FLT4: variants seen among roughly 807,000 people sequenced by gnomAD.
FLT4 encodes vascular endothelial growth factor receptor 3.
A neutral mutation model predicts 163.2 loss-of-function variants in FLT4; 30 were observed. The observed-to-expected ratio is 0.18, with a 90% CI of 0.14 to 0.25. The LOEUF (loss-of-function observed/expected upper bound fraction) is 0.25, where lower values mean the gene tolerates loss of function less well. Ranked by LOEUF, FLT4 falls within the 10% of genes least tolerant of loss-of-function variation. The pLI is 1.00. For synonymous variants in FLT4, 884 were observed against 789.5 expected (o/e 1.12, Z -2.01); for missense variants, 1,510 against 1,863.8 (o/e 0.81, Z 3.50).
intron 24 of FLT4, 75 bp downstream of exon 24, chr5:180,613,993 C>T (rs2127797159): frequency 9.6e-7 from 1 of 1,036,782 alleles, no homozygotes; most frequent in Non-Finnish European, 1.5e-6. Context: ...TCCCTTACTC[C>T]AGCAGGGGCG....
intron 1 of FLT4, among the ~76,000 whole-genome samples, chr5:180,646,000 G>C (rs551067438): frequency 1.3e-5 from 2 of 152,116 alleles, no homozygotes; most frequent in African/African-American, 4.8e-5. Context: ...AGGAAAATAC[G>C]GCAGCAGGAG....
chr5:180,643,884 C>G (rs116224389), intron 1 of FLT4, among the ~76,000 whole-genome samples: 6,176 of 151,854 alleles, frequency 0.041, 183 homozygotes, highest in South Asian at 0.12. Context: ...TGCAGTGGCA[C>G]GGTCTCGGCT....
In FLT4 at chr5:180,620,963, C is replaced by A. The variant is rs752151565; in HGVS notation, c.2212G>T (p.Val738Leu). 6.2e-7 allele frequency: 1 copy of A among 1,610,770 alleles called. No individual in the cohort carries two copies. The highest frequency in any genetic ancestry group is 1.1e-5 in the South Asian group (1 of 90,828). Residue 738 changes from valine to leucine, a missense_variant, in exon 15 of 30, where the codon GTG becomes TTG. Transcript: ENST00000261937. This position sits in a 1 kb window ranked among gnomAD's most constrained non-coding sequence, Gnocchi z 4.4. ...TAGCGTCCCGCATCCTCCTCGCGCA[C>A]GCGCTGGATGCTCAGCTTCTGGTTG... ...DSNQKLSIQR[V>L]REEDAGRYLC...
chr5:180,618,877 T>C lies in FLT4; in HGVS notation c.2894A>G (p.Glu965Gly). The C allele has an allele frequency of 6.3e-7, 1 of 1,587,934 alleles. No individual in the cohort carries two copies. The highest frequency in any genetic ancestry group is 8.6e-7 in the Non-Finnish European group (1 of 1,167,884). ...CCGCCTCCGATCCAGCCTGGCGAGC[T>C]CCACCATGGCGCGGAAGCGTCCGCG... ...EQRGRFRAMVELARLDRRRPG... is the reference protein window; with the variant it reads ...EQRGRFRAMVGLARLDRRRPG... Residue 965 changes from glutamate (E) to glycine (G), a missense_variant, in exon 21 of 30, where the codon GAG becomes GGG. By Grantham distance (98) the Glu-to-Gly change is moderately conservative (BLOSUM62 -2). Transcript: ENST00000261937.
chr5:180,607,853 T>G, intron 29 of FLT4: 1 of 534,896 alleles, frequency 1.9e-6, no homozygotes, highest in Non-Finnish European at 3.3e-6. Flanking sequence ...GAAGGGACAT[T>G]GTGAGAAGTG....
intron 29 of FLT4, among the ~76,000 whole-genome samples, chr5:180,606,896 A>AC (rs1761818309): frequency 4.3e-5 from 1 of 23,104 alleles, no homozygotes; most frequent in Non-Finnish European, 3.4e-4. Flanking sequence ...TCTCTACTAA[A>AC]AAAAAAAAAA....
In FLT4 at chr5:180,619,191, C is replaced by G. The variant is rs1001286600; in HGVS notation, c.2761+62G>C. The G allele has an allele frequency of 1.2e-4, 164 of 1,337,148 alleles. No individual in the cohort carries two copies. In the African/African-American group the frequency reaches 2.0e-3, roughly 16 times the overall value. 82.8% of individuals were successfully genotyped at this position (1,337,148 alleles called of 1,614,324 possible). On this transcript the variant is annotated intron_variant, in intron 19 of 29. Coordinates refer to ENST00000261937, the MANE Select transcript of FLT4 (RefSeq NM_182925.5). ...CGCTCCGCGTTTGCACCCGCGCCCC[C>G]TCCCGCCCGCGGCGCCCCGCGCCCG...
At chr5:180,622,341 T>G (rs1258450212) in intron 12 of FLT4, among the ~76,000 whole-genome samples, 1 of 152,112 alleles carries the variant, frequency 6.6e-6, no homozygotes, top group Non-Finnish European at 1.5e-5. Flanking sequence ...CGTCTGCTCC[T>G]GGGCTCCGCT....
Position 180,630,466 on chromosome 5 carries a change from CCTG to C in FLT4, c.400+86_400+88del. 1 of 1,591,844 alleles carries C rather than the reference CCTG, an allele frequency of 6.3e-7. No individual in the cohort carries two copies. Among genetic ancestry groups the C allele is most frequent in the South Asian group, 1.1e-5 (1 of 89,934 alleles). ...AGCAGGTAGGGCCCCGTTCTCTCCT[CCTG>C]CCAGCCCAGGGTCCACAGGCTGGGG... On this transcript the variant is annotated intron_variant, in intron 3 of 29. Coordinates refer to ENST00000261937, the MANE Select transcript of FLT4 (RefSeq NM_182925.5). This position sits in a 1 kb window ranked among gnomAD's most constrained non-coding sequence, Gnocchi z 6.3.
In FLT4 at chr5:180,621,736, T is replaced by A; in HGVS notation, c.1826A>T (p.Asp609Val). 1 of 1,613,018 alleles carries A rather than the reference T, an allele frequency of 6.2e-7. No homozygotes were observed. The highest frequency in any genetic ancestry group is 8.5e-7 in the Non-Finnish European group (1 of 1,179,956). ...HDAHGNPLLL[D>V]CKNVHLFATP... ...GGCGAACAGATGCACGTTCTTGCAG[T>A]CGAGCAGAAGCGGGTTCCCGTGCGC... The change falls in exon 13 of 30, where the codon GAC (aspartate) becomes GTC (valine). Residue 609 changes from aspartate (D) to valine (V), a missense_variant. Coordinates refer to ENST00000261937, the MANE Select transcript of FLT4 (RefSeq NM_182925.5).
At chr5:180,616,572 G>T in intron 22 of FLT4, 83 bp from the exon 23 acceptor site, 1 of 1,500,270 alleles carries the variant, frequency 6.7e-7, no homozygotes, top group Non-Finnish European at 9.2e-7. Context: ...GGGTGCCCAA[G>T]CAGTGGGGAC....
intron 18 of FLT4, 27 bp from the exon 19 acceptor site, chr5:180,619,393 G>T: frequency 6.4e-7 from 1 of 1,562,270 alleles, no homozygotes. Context: ...CCTCACACCG[G>T]CCCCGACCCT....
At chr5:180,628,556 G>A (rs1021490914) in intron 8 of FLT4, among the ~76,000 whole-genome samples, 1 of 152,240 alleles carries the variant, frequency 6.6e-6, no homozygotes, top group Non-Finnish European at 1.5e-5. Flanking sequence ...TGCAGGGCAG[G>A]CCCTGGAGAT....
chr5:180,609,871 C>A (rs2242219), intron 28 of FLT4, 34 bp downstream of exon 28: 2 of 1,613,438 alleles, frequency 1.2e-6, no homozygotes, highest in East Asian at 4.5e-5. Context: ...AGCCCTGAGC[C>A]GAGAGCGCAG....
intron 12 of FLT4, 43 bp downstream of exon 12, chr5:180,622,688 T>C (rs1425771656): frequency 7.8e-7 from 1 of 1,280,652 alleles, no homozygotes; most frequent in South Asian, 1.2e-5. Flanking sequence ...TGCCCCCTCC[T>C]GACCCTGTAC....
At chr5:180,609,321 T>C (rs1004822363) in intron 28 of FLT4, 6 of 548,492 alleles carry the variant, frequency 1.1e-5, no homozygotes, top group Non-Finnish European at 1.7e-5. Context: ...GCCAAGCATA[T>C]GCTCAGTGTG....
At chr5:180,637,791 A>C (rs775310471) in intron 1 of FLT4, among the ~76,000 whole-genome samples, 3 of 152,124 alleles carry the variant, frequency 2.0e-5, no homozygotes, top group Non-Finnish European at 2.9e-5. Context: ...CGGCCTCTCA[A>C]AGTGCTGGGA....
rs2127879271 is a variant in FLT4, at chr5:180,649,479, C to T, written c.58+9G>A. On this transcript the variant is annotated intron_variant, in intron 1 of 29. Coordinates refer to ENST00000261937, the MANE Select transcript of FLT4 (RefSeq NM_182925.5). ...ACGCTCGGGCGGGTGGCCCGTTCGC[C>T]GCGCTCACCGTCCAGGAGTCCCAGG... 3.4e-6 allele frequency: 5 copies of T among 1,457,944 alleles called. No individual in the cohort carries two copies. Among genetic ancestry groups the T allele is most frequent in the Non-Finnish European group, 4.5e-6 (5 of 1,107,792 alleles). The allele number at this position is 1,457,944 out of a possible 1,614,324, so 90.3% of individuals were successfully genotyped here.
At chr5:180,607,662 CAT>C (rs138060505) in intron 29 of FLT4, among the ~76,000 whole-genome samples, 4 of 147,560 alleles carry the variant, frequency 2.7e-5, no homozygotes, top group South Asian at 2.1e-4. Flanking sequence ...TACATACATA[CAT>C]ATATATATAT....
Sources: gnomAD v4.1 joint callset for allele counts (sites outside exome capture counted in the v4.1 genomes callset) on GRCh38, gnomAD v4.1.1 for gene constraint, Gnocchi (gnomAD v3.1) non-coding constraint, MANE v1.5 for transcripts, NCBI Gene and HGNC (gene_info 2026-07-23, HGNC 2026-07-21) for gene names.